DENND2B: variants seen among roughly 807,000 people sequenced by gnomAD.
DENND2B encodes the protein DENN domain-containing protein 2B.
DENND2B carries 32 observed loss-of-function variants against 116.0 expected under a neutral mutation model. The observed-to-expected ratio is 0.28, with a 90% CI of 0.21 to 0.37. The LOEUF is 0.37. Ranked by LOEUF, DENND2B falls within the 10% of genes least tolerant of loss-of-function variation. The pLI, the probability that DENND2B is intolerant of heterozygous loss-of-function variation, is 1.00. For synonymous variants in DENND2B, 588 were observed against 583.9 expected (o/e 1.01, Z -0.10); for missense variants, 1,276 against 1,477.7 (o/e 0.86, Z 2.24).
upstream of DENND2B, among the ~76,000 whole-genome samples, chr11:8,814,857 T>C (rs1248437340): frequency 6.6e-6 from 1 of 152,212 alleles, no homozygotes; most frequent in Non-Finnish European, 1.5e-5. Flanking sequence ...AAGAAGAAAC[T>C]TAGAGCAGCT....
At chr11:8,820,141 G>A (rs940677348) in intron 4 of DENND2B, among the ~76,000 whole-genome samples, 1 of 152,184 alleles carries the variant, frequency 6.6e-6, no homozygotes, top group Non-Finnish European at 1.5e-5. Context: ...CCCCCAGAAT[G>A]AGAATCACTG....
At chr11:8,840,124 G>A (rs1211511571) in intron 3 of DENND2B, among the ~76,000 whole-genome samples, 2 of 152,150 alleles carry the variant, frequency 1.3e-5, no homozygotes, top group Admixed American at 6.5e-5. Flanking sequence ...AGGGCAGCGA[G>A]AATGAGACTA....
rs147412626 is a variant in DENND2B, at chr11:8,795,834, C to T, written c.-26+14683G>A. ...CAGTCTTTCCAGCCTCATCTTCCAACCCATCTGTGTGTCCCTGCTCATGGC... is the reference window on the plus strand; with the variant it reads ...CAGTCTTTCCAGCCTCATCTTCCAATCCATCTGTGTGTCCCTGCTCATGGC... On this transcript the variant is annotated intron_variant, in intron 1 of 19. Transcript: ENST00000313726. Among the ~76,000 whole-genome samples the T allele has an allele frequency of 1.7e-3, 256 of 152,338 alleles. 1 individual carries two copies. Among genetic ancestry groups the T allele is most frequent in the African/African-American group, 5.7e-3 (235 of 41,574 alleles).
chr11:8,707,148 C>T lies in DENND2B; in HGVS notation c.2508G>A (p.Ser836=), dbSNP rs771320140. 1.5e-5 allele frequency: 25 copies of T among 1,613,460 alleles called. No individual in the cohort carries two copies. The highest frequency in any genetic ancestry group is 8.3e-5 in the Admixed American group (5 of 59,914). ...TGGTCTTCCCTGGGGCTGGGAAGGG[C>T]GACTCCATGAGACTTCTCATGAAAG... ...VYPFMRSLME[S]PFPAPGKTIK... Residue 836 remains serine, a synonymous_variant, in exon 13 of 20, where the codon TCG becomes TCA. Coordinates refer to ENST00000313726, the MANE Select transcript of DENND2B (RefSeq NM_213618.2). This position sits in a 1 kb window ranked among gnomAD's most constrained non-coding sequence, Gnocchi z 4.8.
In DENND2B at chr11:8,715,318, C is replaced by T. The variant is rs149350343; in HGVS notation, c.1845+285G>A. On this transcript the variant is annotated intron_variant, in intron 6 of 19. Coordinates refer to ENST00000313726, the MANE Select transcript of DENND2B (RefSeq NM_213618.2). ...GAAAGCCTGGAAATGCTTATGTGTG[C>T]GGATACCCCAAAATTCATACACCAC... The T allele has an allele frequency of 8.6e-4, 376 of 435,114 alleles. 1 individual carries two copies. Among genetic ancestry groups the T allele is most frequent in the African/African-American group, 5.7e-3 (282 of 49,650 alleles). 27.0% of individuals were successfully genotyped at this position (435,114 alleles called of 1,614,324 possible).
At chr11:8,746,786 G>A (rs900174476) in intron 2 of DENND2B, among the ~76,000 whole-genome samples, 6 of 152,172 alleles carry the variant, frequency 3.9e-5, no homozygotes, top group African/African-American at 1.2e-4. Context: ...GCAGTACTTT[G>A]GGGGCAGGAA....
Position 8,712,208 on chromosome 11 carries a change from A to G in DENND2B, c.2172+343T>C, listed in dbSNP as rs1360108706. Among the ~76,000 whole-genome samples the G allele has an allele frequency of 6.6e-6, 1 of 152,212 alleles. No homozygotes were observed. Among genetic ancestry groups the G allele is most frequent in the Non-Finnish European group, 1.5e-5 (1 of 68,042 alleles). Reference sequence around the variant, plus strand: ...CTCTTTGGGGTGATAAAAATGTTCTAAAATTGACTGTGGTGATGATTGCAC... The same window carrying G: ...CTCTTTGGGGTGATAAAAATGTTCTGAAATTGACTGTGGTGATGATTGCAC... On this transcript the variant is annotated intron_variant, in intron 9 of 19. Transcript: ENST00000313726. This position sits in a 1 kb window ranked among gnomAD's most constrained non-coding sequence, Gnocchi z 4.4.
At chr11:8,766,305 G>A (rs2055771722) in intron 1 of DENND2B, among the ~76,000 whole-genome samples, 1 of 152,052 alleles carries the variant, frequency 6.6e-6, no homozygotes, top group Non-Finnish European at 1.5e-5. Flanking sequence ...CCCTCTGCCT[G>A]AACAGAAGTG....
At chr11:8,796,263 C>G (rs776277999) in intron 1 of DENND2B, among the ~76,000 whole-genome samples, 1 of 152,142 alleles carries the variant, frequency 6.6e-6, no homozygotes, top group Non-Finnish European at 1.5e-5. Flanking sequence ...AAGTATGGAC[C>G]GGACACAGTG....
chr11:8,906,169 A>G (rs77590536), intron 1 of DENND2B, among the ~76,000 whole-genome samples: 7,315 of 150,074 alleles, frequency 0.049, 498 homozygotes, highest in African/African-American at 0.16. Flanking sequence ...ATTTTATCAT[A>G]TGTACATTAT....
intron 4 of DENND2B, among the ~76,000 whole-genome samples, chr11:8,828,550 C>T (rs2062067601): frequency 6.6e-6 from 1 of 152,118 alleles, no homozygotes; most frequent in African/African-American, 2.4e-5. Flanking sequence ...TCCTTTCTTC[C>T]ACCATGATCC....
rs750963660 is a variant in DENND2B at position 8,699,964 on chromosome 11, C to T, written c.2721-574G>A. ...ATACCCGGCCAGGCCAAGAACAAGA[C>T]CTTGGGATCGTCCCTCCCAGAATGG... On this transcript the variant is annotated intron_variant, in intron 14 of 19. Transcript: ENST00000313726. The T allele has an allele frequency of 7.5e-5, 34 of 456,292 alleles. 1 individual carries two copies. The highest frequency in any genetic ancestry group is 5.3e-4 in the South Asian group (34 of 64,572). The allele number at this position is 456,292 out of a possible 1,614,324, so 28.3% of individuals were successfully genotyped here. A position where few individuals can be genotyped will look rare whatever the true frequency, so the allele number is the denominator to read the frequency against.
At chr11:8,860,500 C>G (rs2063353979) in intron 2 of DENND2B, among the ~76,000 whole-genome samples, 1 of 151,788 alleles carries the variant, frequency 6.6e-6, no homozygotes. Flanking sequence ...GGTGAAAGAG[C>G]ACTACAAGGA....
chr11:8,829,791 G>T (rs1359870178), intron 4 of DENND2B, among the ~76,000 whole-genome samples: 2 of 152,004 alleles, frequency 1.3e-5, no homozygotes, highest in African/African-American at 2.4e-5. Context: ...TTCCCCTTTC[G>T]TCCCCAATCT....
Position 8,730,816 on chromosome 11 carries a change from G to A in DENND2B, c.474C>T (p.Arg158=), listed in dbSNP as rs1159618526. 3.1e-6 allele frequency: 5 copies of A among 1,613,012 alleles called. No homozygotes were observed. Among genetic ancestry groups the A allele is most frequent in the Admixed American group, 1.7e-5 (1 of 60,006 alleles). ...RGVLLTRTGT[R]AHSLGIREKI... is the part of the protein sequence containing the mutation. ...TCTCCCGGATGCCCAGGCTGTGGGCGCGGGTACCGGTACGGGTCAGCAAGA... is the reference window on the plus strand; with the variant it reads ...TCTCCCGGATGCCCAGGCTGTGGGCACGGGTACCGGTACGGGTCAGCAAGA... Residue 158 remains arginine, a synonymous_variant, in exon 3 of 20, where the codon CGC becomes CGT. Transcript: ENST00000313726. This position sits in a 1 kb window ranked among gnomAD's most constrained non-coding sequence, Gnocchi z 4.1.
intron 2 of DENND2B, among the ~76,000 whole-genome samples, chr11:8,744,893 G>A (rs1306711070): frequency 2.7e-5 from 4 of 150,606 alleles, no homozygotes; most frequent in African/African-American, 7.3e-5. Context: ...ATGAACCTGC[G>A]CCCCAAAAGT....
intron 4 of DENND2B, chr11:8,718,462 G>T: frequency 6.7e-7 from 1 of 1,500,486 alleles, no homozygotes; most frequent in Admixed American, 2.1e-5. Context: ...TTAGGGCAGG[G>T]TTTTGTGTTG....
intron 2 of DENND2B, among the ~76,000 whole-genome samples, chr11:8,748,822 T>C (rs2051791136): frequency 6.6e-6 from 1 of 152,098 alleles, no homozygotes; most frequent in Non-Finnish European, 1.5e-5. Context: ...AGTAGGCATT[T>C]ACTCCAAATA....
intron 2 of DENND2B, among the ~76,000 whole-genome samples, chr11:8,862,076 A>G (rs1320386627): frequency 1.3e-5 from 2 of 152,044 alleles, no homozygotes; most frequent in Admixed American, 6.6e-5. Flanking sequence ...TACAAAGACT[A>G]CATATTGGGT....
Sources: allele counts gnomAD v4.1 joint callset (sites outside exome capture counted in the v4.1 genomes callset), GRCh38; gene constraint gnomAD v4.1.1; non-coding constraint Gnocchi (gnomAD v3.1); transcripts MANE v1.5; gene names NCBI Gene and HGNC (gene_info 2026-07-23, HGNC 2026-07-21).